EIF2B3: variants seen among roughly 807,000 people sequenced by gnomAD.
EIF2B3 encodes eukaryotic translation initiation factor 2B subunit gamma, also known as translation initiation factor eIF2B subunit gamma.
Under a neutral mutation model 54.1 loss-of-function variants are expected in EIF2B3, and 20 were observed. The observed-to-expected ratio is 0.37, with a 90% CI of 0.26 to 0.54. The LOEUF (loss-of-function observed/expected upper bound fraction) is 0.54, where lower values mean the gene tolerates loss of function less well. Among genes scored for constraint, EIF2B3 ranks in the 20% least tolerant of loss-of-function variants. The pLI is 0.86. For synonymous variants in EIF2B3, 153 were observed against 188.1 expected (o/e 0.81, Z 1.52); for missense variants, 448 against 547.8 (o/e 0.82, Z 1.82).
At chr1:44,937,883 CAAAAAAAAAAAAAAAAAAAAAAAAA>C (rs34363661) in intron 4 of EIF2B3, among the ~76,000 whole-genome samples, 12 of 33,558 alleles carry the variant, frequency 3.6e-4, no homozygotes, top group Admixed American at 5.3e-4. Context: ...GACTCCGTCT[CAAAAAAAAAAAAAAAAAAAAAAAAA>C]AAAAAAAAAA....
In EIF2B3 at chr1:44,951,954, ATTTTTTT is replaced by A. The variant is rs1171020644; in HGVS notation, c.295-10296_295-10290del. Among the ~76,000 whole-genome samples the A allele has an allele frequency of 4.3e-3, 192 of 44,652 alleles. 17 individuals carry two copies. Among genetic ancestry groups the A allele is most frequent in the East Asian group, 0.04 (13 of 324 alleles). The allele number at this position is 44,652 out of a possible 152,430, so 29.3% of individuals were successfully genotyped here. A position where few individuals can be genotyped will look rare whatever the true frequency, so the allele number is the denominator to read the frequency against. On this transcript the variant is annotated intron_variant, in intron 3 of 11. Coordinates refer to ENST00000360403, the MANE Select transcript of EIF2B3 (RefSeq NM_020365.5). The stretch of plus-strand genomic sequence containing the variant: ...AGGGGCGCACCACCATGCCTGGCTA[ATTTTTTT>A]TTTTTTTTTTTTTTTTTTTGAGACG...
At chr1:44,870,482 C>T (rs1006728414) in intron 10 of EIF2B3, among the ~76,000 whole-genome samples, 2 of 152,164 alleles carry the variant, frequency 1.3e-5, no homozygotes, top group Non-Finnish European at 2.9e-5. Flanking sequence ...CACATGTCCC[C>T]TTCTTGCTCA....
chr1:44,939,235 C>G (rs1317248563), intron 4 of EIF2B3, among the ~76,000 whole-genome samples: 1 of 151,672 alleles, frequency 6.6e-6, no homozygotes, highest in Non-Finnish European at 1.5e-5. Context: ...AATTCAAACT[C>G]TTTCGTCTGA....
chr1:44,963,173 C>T (rs1240293871), intron 3 of EIF2B3, among the ~76,000 whole-genome samples: 2 of 151,344 alleles, frequency 1.3e-5, no homozygotes, highest in East Asian at 3.9e-4. Flanking sequence ...TGAGATCATG[C>T]CACTGTACTC....
At chr1:44,880,566 A>G (rs1655358279) in intron 7 of EIF2B3, among the ~76,000 whole-genome samples, 1 of 152,218 alleles carries the variant, frequency 6.6e-6, no homozygotes, top group Non-Finnish European at 1.5e-5. Context: ...CTTGGAGCCC[A>G]GAGTACCAGG....
chr1:44,983,861 C>T (rs756989691), intron 1 of EIF2B3, among the ~76,000 whole-genome samples: 1 of 151,828 alleles, frequency 6.6e-6, no homozygotes, highest in Non-Finnish European at 1.5e-5. Context: ...CATCCGCCAC[C>T]ATACTTGGCT....
chr1:44,904,749 G>A (rs1176975676), intron 5 of EIF2B3, among the ~76,000 whole-genome samples: 2 of 152,058 alleles, frequency 1.3e-5, no homozygotes, highest in Non-Finnish European at 2.9e-5. Context: ...TCCTGACCTC[G>A]TGATCTGCCC....
intron 5 of EIF2B3, among the ~76,000 whole-genome samples, chr1:44,904,582 C>T (rs534846161): frequency 3.3e-5 from 5 of 152,066 alleles, no homozygotes; most frequent in Admixed American, 6.6e-5. Flanking sequence ...GGCACAATCT[C>T]GGCTCACTGC....
chr1:44,916,320 C>A (rs1288714908), intron 5 of EIF2B3, among the ~76,000 whole-genome samples: 3 of 151,972 alleles, frequency 2.0e-5, no homozygotes, highest in Non-Finnish European at 2.9e-5. Flanking sequence ...CTCCTGGGCT[C>A]ACACAATTCT....
chr1:44,977,264 A>G (rs568966015), intron 3 of EIF2B3, among the ~76,000 whole-genome samples: 1 of 152,280 alleles, frequency 6.6e-6, no homozygotes, highest in East Asian at 1.9e-4. Flanking sequence ...TCTCATATCT[A>G]TGTGCTCCTT....
chr1:44,921,990 C>T (rs2148929436), intron 5 of EIF2B3, among the ~76,000 whole-genome samples: 1 of 151,572 alleles, frequency 6.6e-6, no homozygotes, highest in East Asian at 2.0e-4. Flanking sequence ...TCTCAGCTCA[C>T]TGCAACCTCC....
chr1:44,944,331 T>C (rs1041956293), intron 3 of EIF2B3, among the ~76,000 whole-genome samples: 23 of 152,074 alleles, frequency 1.5e-4, no homozygotes, highest in Admixed American at 1.4e-3. Context: ...CCAATTATGC[T>C]ACTTTAAAAA....
intron 5 of EIF2B3, among the ~76,000 whole-genome samples, chr1:44,903,449 ATGTG>A (rs1643352850): frequency 2.0e-5 from 3 of 152,120 alleles, no homozygotes; most frequent in African/African-American, 7.2e-5. Flanking sequence ...CAGCATCATC[ATGTG>A]TGTGGGAGGA....
At chr1:44,918,544 C>T (rs188849759) in intron 5 of EIF2B3, among the ~76,000 whole-genome samples, 5 of 152,232 alleles carry the variant, frequency 3.3e-5, no homozygotes, top group African/African-American at 7.2e-5. Flanking sequence ...TGCACACCAC[C>T]ACACCCGGCT....
chr1:44,895,964 G>A (rs1292042723), intron 6 of EIF2B3, among the ~76,000 whole-genome samples: 1 of 152,156 alleles, frequency 6.6e-6, no homozygotes, highest in Non-Finnish European at 1.5e-5. Flanking sequence ...ATGGCCAAGA[G>A]TTAATTTCAT....
intron 5 of EIF2B3, among the ~76,000 whole-genome samples, chr1:44,912,587 G>A (rs892859831): frequency 7.2e-5 from 11 of 151,958 alleles, no homozygotes; most frequent in African/African-American, 2.4e-4. Context: ...TGGCATTCTC[G>A]GCATATAGGA....
chr1:44,931,706 T>C (rs1643898183), intron 4 of EIF2B3, among the ~76,000 whole-genome samples: 1 of 152,222 alleles, frequency 6.6e-6, no homozygotes, highest in African/African-American at 2.4e-5. Context: ...AAAAATCATA[T>C]ACCACTTGAT....
intron 3 of EIF2B3, among the ~76,000 whole-genome samples, chr1:44,969,698 T>C (rs1644380941): frequency 6.6e-6 from 1 of 152,184 alleles, no homozygotes. Flanking sequence ...TGATGCTGGG[T>C]GACAGATAAA....
intron 5 of EIF2B3, among the ~76,000 whole-genome samples, chr1:44,904,572 G>A (rs1643378614): frequency 6.6e-6 from 1 of 151,970 alleles, no homozygotes; most frequent in Non-Finnish European, 1.5e-5. Context: ...GGAGTGCAGT[G>A]GCACAATCTC....
Sources: allele counts gnomAD v4.1 joint callset (sites outside exome capture counted in the v4.1 genomes callset), GRCh38; gene constraint gnomAD v4.1.1; transcripts MANE v1.5; gene names NCBI Gene and HGNC (gene_info 2026-07-23, HGNC 2026-07-21).